SFI1: variants seen among roughly 807,000 people sequenced by gnomAD.
SFI1 encodes protein SFI1 homolog.
A neutral mutation model predicts 207.5 loss-of-function variants in SFI1; 195 were observed. The ratio of observed to expected loss-of-function variants is 0.94; its 90% CI spans 0.84 to 1.06. SFI1 has a LOEUF of 1.06. SFI1 is among the 50% of genes least tolerant of loss of function. The pLI is 0.00. For synonymous variants in SFI1, 630 were observed against 598.9 expected (o/e 1.05, Z -0.76); for missense variants, 1,634 against 1,588.0 (o/e 1.03, Z -0.49).
intron 2 of SFI1, among the ~76,000 whole-genome samples, chr22:31,515,301 G>A (rs1207610279): frequency 2.7e-5 from 4 of 150,732 alleles, no homozygotes; most frequent in Admixed American, 6.7e-5. Context: ...TACTAATCTG[G>A]TAGGTATGTC....
At chr22:31,590,179 G>A (rs2065657785) in intron 15 of SFI1, among the ~76,000 whole-genome samples, 1 of 150,458 alleles carries the variant, frequency 6.6e-6, no homozygotes, top group Admixed American at 6.6e-5. Context: ...AGGAAGAGAA[G>A]TCTGCTCTAC....
chr22:31,614,732 A>G (rs1569468549), intron 27 of SFI1, 57 bp from the exon 28 acceptor site: 2 of 1,584,338 alleles, frequency 1.3e-6, no homozygotes, highest in Admixed American at 1.7e-5. Context: ...CAGAGATCTC[A>G]GACCCCCCTG....
intron 3 of SFI1, among the ~76,000 whole-genome samples, chr22:31,530,166 C>T (rs377154972): frequency 0.013 from 641 of 47,900 alleles, 15 homozygotes; most frequent in African/African-American, 0.054. Flanking sequence ...AGTGAGACTC[C>T]ATCTCAAAAA....
intron 21 of SFI1, chr22:31,606,649 C>A: frequency 3.2e-5 from 12 of 376,226 alleles, no homozygotes; most frequent in South Asian, 4.3e-5. Context: ...CATAACACAT[C>A]ATAAGTGAAC....
intron 2 of SFI1, among the ~76,000 whole-genome samples, chr22:31,522,035 GA>G (rs1294201806): frequency 7.0e-6 from 1 of 142,864 alleles, no homozygotes; most frequent in Non-Finnish European, 1.5e-5. Flanking sequence ...AAAGTGCTAG[GA>G]TTACAAGTGT....
In SFI1 at chr22:31,611,739, ACT is replaced by A. The variant is rs2070181638; in HGVS notation, c.2416-22_2416-21del. 5 of 1,608,170 alleles carry A rather than the reference ACT, an allele frequency of 3.1e-6. 1 individual carries two copies. The highest frequency in any genetic ancestry group is 3.4e-6 in the Non-Finnish European group (4 of 1,178,428). ...GCTGTCTAGGCTGGGTCAGGACGCC[ACT>A]CTCTGTGCACTTGCTCTCCCCCAGC... On this transcript the variant is annotated intron_variant, in intron 23 of 32. Transcript: ENST00000400288.
intron 15 of SFI1, among the ~76,000 whole-genome samples, chr22:31,589,795 T>A (rs201904171): frequency 5.3e-5 from 8 of 151,664 alleles, no homozygotes; most frequent in Non-Finnish European, 7.4e-5. Context: ...TATTTATTTT[T>A]TTTGTGTGTG....
intron 2 of SFI1, 98 bp downstream of exon 2, chr22:31,508,474 T>G (rs2054994229): frequency 3.0e-4 from 223 of 736,872 alleles, no homozygotes; most frequent in Non-Finnish European, 4.5e-4. Flanking sequence ...ATGAGTGAGG[T>G]AGTAACTGTG....
intron 1 of SFI1, among the ~76,000 whole-genome samples, chr22:31,505,411 C>G (rs1338787884): frequency 6.6e-6 from 1 of 151,224 alleles, no homozygotes; most frequent in Non-Finnish European, 1.5e-5. Context: ...TGCATTCCAG[C>G]CTGGGCAACA....
intron 7 of SFI1, chr22:31,559,882 G>A: frequency 1.5e-6 from 1 of 661,256 alleles, no homozygotes; most frequent in South Asian, 1.5e-5. Flanking sequence ...TCCGAGGCCA[G>A]CACACCAAGA....
intron 2 of SFI1, among the ~76,000 whole-genome samples, chr22:31,518,825 A>C (rs895985837): frequency 7.2e-5 from 11 of 152,176 alleles, no homozygotes; most frequent in African/African-American, 2.7e-4. Flanking sequence ...TGTTAGGCAG[A>C]GGGTACCTGT....
At position 31,508,296 on chromosome 22, in the gene SFI1, G is replaced by T. The variant is rs769912364; in HGVS notation, c.12G>T (p.Leu4=). MKN[L]LTEKCISSHN... is the part of the protein sequence containing the mutation. ...AAAGACTTTGATTCATGAAGAATCT[G>T]CTCACTGAGAAGTGTATATCAAGCC... The change falls in exon 2 of 33, where the codon CTG becomes CTT. Residue 4 remains leucine (L), a synonymous_variant. Transcript: ENST00000400288. The T allele has an allele frequency of 6.2e-7, 1 of 1,610,398 alleles. No homozygotes were observed. Among genetic ancestry groups the T allele is most frequent in the Non-Finnish European group, 8.5e-7 (1 of 1,177,062 alleles).
At chr22:31,531,793 T>C (rs1397871749) in intron 4 of SFI1, among the ~76,000 whole-genome samples, 2 of 151,626 alleles carry the variant, frequency 1.3e-5, no homozygotes, top group African/African-American at 4.9e-5. Context: ...CTTGGGAGGC[T>C]GAGGCAGGAG....
chr22:31,566,321 T>C (rs760754820), intron 8 of SFI1, among the ~76,000 whole-genome samples: 2 of 151,600 alleles, frequency 1.3e-5, no homozygotes, highest in African/African-American at 4.9e-5. Context: ...TTGAACTCCT[T>C]ACCTCAAGTG....
In SFI1 at chr22:31,513,016, T is replaced by C. The variant is rs539726373; in HGVS notation, c.92+4640T>C. Among the ~76,000 whole-genome samples the C allele has an allele frequency of 2.0e-5, 3 of 152,258 alleles. 1 individual carries two copies. In the South Asian group the frequency reaches 6.2e-4, roughly 32 times the overall value. ...TTGTATTTTTAATACAGATAGGGTT[T>C]CACCATGTTGGCCAGGCTGGTCTCA... On this transcript the variant is annotated intron_variant, in intron 2 of 32. Coordinates refer to ENST00000400288, the MANE Select transcript of SFI1 (RefSeq NM_001007467.3).
intron 15 of SFI1, among the ~76,000 whole-genome samples, chr22:31,589,786 A>AT (rs1287028042): frequency 4.8e-5 from 7 of 145,156 alleles, no homozygotes; most frequent in Admixed American, 1.4e-4. Context: ...ATCTTTATTT[A>AT]TTTATTTTTT....
intron 15 of SFI1, among the ~76,000 whole-genome samples, chr22:31,595,029 T>G (rs2146712183): frequency 6.6e-6 from 1 of 152,198 alleles, no homozygotes; most frequent in South Asian, 2.1e-4. Flanking sequence ...TGGAGTCTTG[T>G]CCTTTCGCCC....
chr22:31,575,125 C>G, intron 9 of SFI1, 106 bp from the exon 10 acceptor site: 1 of 756,982 alleles, frequency 1.3e-6, no homozygotes, highest in Non-Finnish European at 2.0e-6. Flanking sequence ...TGTGTGTGGC[C>G]TTGAACCCCT....
rs2070083698 is a variant in SFI1, at chr22:31,611,311, T to C, written c.2415+8T>C. ...CAGTGTGTCAGGAAGAGGGTGAGGC[T>C]GACGGTGGCAACTCTCCAAGTTCTG... On this transcript the variant is annotated splice_region_variant and intron_variant, in intron 23 of 32. Coordinates refer to ENST00000400288, the MANE Select transcript of SFI1 (RefSeq NM_001007467.3). 1 of 1,581,980 alleles carries C rather than the reference T, an allele frequency of 6.3e-7. No individual in the cohort carries two copies.
Sources: allele counts gnomAD v4.1 joint callset (sites outside exome capture counted in the v4.1 genomes callset), GRCh38; gene constraint gnomAD v4.1.1; transcripts MANE v1.5; gene names NCBI Gene and HGNC (gene_info 2026-07-23, HGNC 2026-07-21).